C2orf76: variants seen among roughly 807,000 people sequenced by gnomAD.
The protein encoded by C2orf76 is UPF0538 protein C2orf76.
A neutral mutation model predicts 16.9 loss-of-function variants in C2orf76; 23 were observed. The observed-to-expected ratio is 1.36, with a 90% CI of 0.98 to 1.93. The LOEUF (loss-of-function observed/expected upper bound fraction) is 1.93, where lower values mean the gene tolerates loss of function less well. Ranked by LOEUF, C2orf76 falls within the 30% of genes most tolerant of loss-of-function variation. The pLI is 0.00. For synonymous variants in C2orf76, 48 were observed against 52.3 expected (o/e 0.92, Z 0.35); for missense variants, 152 against 152.6 (o/e 1.00, Z 0.02).
At chr2:119,364,515 G>C (rs1680863067) in intron 1 of C2orf76, among the ~76,000 whole-genome samples, 1 of 152,148 alleles carries the variant, frequency 6.6e-6, no homozygotes, top group Non-Finnish European at 1.5e-5. Context: ...AATCTTCATA[G>C]AGAGAAAAAC....
At chr2:119,359,214 A>C (rs1283701725) in intron 1 of C2orf76, among the ~76,000 whole-genome samples, 2 of 152,196 alleles carry the variant, frequency 1.3e-5, no homozygotes, top group East Asian at 3.8e-4. Context: ...TTTTAAGCCC[A>C]CTGTTGAGAC....
intron 5 of C2orf76, among the ~76,000 whole-genome samples, chr2:119,307,450 A>T (rs1678827866): frequency 6.6e-6 from 1 of 152,052 alleles, no homozygotes; most frequent in Admixed American, 6.5e-5. Flanking sequence ...AAAAAAAAAA[A>T]AAAAATCACA....
chr2:119,299,231 C>T (rs1427020643), downstream of C2orf76, among the ~76,000 whole-genome samples: 1 of 152,158 alleles, frequency 6.6e-6, no homozygotes, highest in African/African-American at 2.4e-5. Context: ...GCCTCTTATT[C>T]ATATCTAATA....
chr2:119,366,113 T>C (rs72831291), intron 1 of C2orf76, among the ~76,000 whole-genome samples: 2,858 of 152,194 alleles, frequency 0.019, 38 homozygotes, highest in South Asian at 0.054. Flanking sequence ...TCCAACTCTC[T>C]AAGCCCCTAA....
intron 1 of C2orf76, among the ~76,000 whole-genome samples, chr2:119,354,248 G>A (rs956481090): frequency 1.3e-5 from 2 of 152,146 alleles, no homozygotes; most frequent in African/African-American, 4.8e-5. Context: ...GGTAGCTCAC[G>A]CTTGTAATCC....
At chr2:119,366,881 G>A, upstream of C2orf76, 3 of 844,526 alleles carry the variant, frequency 3.6e-6, no homozygotes, top group East Asian at 2.8e-5. Flanking sequence ...CGGGGGCTGG[G>A]CACGCCCCTA....
At chr2:119,307,455 A>G (rs1211695458) in intron 5 of C2orf76, among the ~76,000 whole-genome samples, 2 of 143,990 alleles carry the variant, frequency 1.4e-5, no homozygotes, top group Non-Finnish European at 3.0e-5. Context: ...AAAAAAAAAA[A>G]TCACATTTCA....
At chr2:119,323,305 C>T (rs1447650310) in intron 2 of C2orf76, among the ~76,000 whole-genome samples, 1 of 151,994 alleles carries the variant, frequency 6.6e-6, no homozygotes, top group East Asian at 1.9e-4. Flanking sequence ...AGGCATGAGC[C>T]ACTACACCTG....
intron 5 of C2orf76, among the ~76,000 whole-genome samples, chr2:119,307,438 TAAA>T (rs10597338): frequency 4.2e-4 from 60 of 143,940 alleles, no homozygotes; most frequent in African/African-American, 4.8e-4. Flanking sequence ...GACTCTGTCT[TAAA>T]AAAAAAAAAA....
Position 119,311,609 on chromosome 2 carries a change from C to T in C2orf76, c.304+13G>A, listed in dbSNP as rs1426284798. Reference sequence around the variant, plus strand: ...GAGGTCCCCCTCCAGCAACACAAGGCCCCCTTCCTCACCGATTCCAGCTGC... The same window carrying T: ...GAGGTCCCCCTCCAGCAACACAAGGTCCCCTTCCTCACCGATTCCAGCTGC... On this transcript the variant is annotated intron_variant, in intron 5 of 5. Coordinates refer to ENST00000334816, the MANE Select transcript of C2orf76 (RefSeq NM_001322331.2). 1.2e-6 allele frequency: 2 copies of T among 1,611,916 alleles called. No homozygotes were observed. Among genetic ancestry groups the T allele is most frequent in the East Asian group, 4.5e-5 (2 of 44,830 alleles).
At chr2:119,318,221 A>G (rs6761125) in intron 3 of C2orf76, among the ~76,000 whole-genome samples, 104,646 of 152,100 alleles carry the variant, frequency 0.69, 36,482 homozygotes, top group African/African-American at 0.8. Flanking sequence ...CATAATCTAC[A>G]CAGCCATTCA....
chr2:119,361,406 T>C (rs1680740643), intron 1 of C2orf76, among the ~76,000 whole-genome samples: 1 of 152,242 alleles, frequency 6.6e-6, no homozygotes, highest in Non-Finnish European at 1.5e-5. Flanking sequence ...CAGCCCTCCA[T>C]ATCTGTGGGT....
At chr2:119,285,010 G>A in the C2orf76 span, among the ~76,000 whole-genome samples, 1 of 152,024 alleles carries the variant, frequency 6.6e-6, no homozygotes, top group Non-Finnish European at 1.5e-5. Flanking sequence ...GGATTGTGGC[G>A]GAGATCAGAG....
At chr2:119,284,275 G>A in the C2orf76 span, among the ~76,000 whole-genome samples, 188 of 152,272 alleles carry the variant, frequency 1.2e-3, 2 homozygotes, top group African/African-American at 4.4e-3. Context: ...CCGCAGACAG[G>A]CTCCTGGCTA....
chr2:119,313,083 C>T (rs1679049283), intron 4 of C2orf76, among the ~76,000 whole-genome samples: 1 of 151,260 alleles, frequency 6.6e-6, no homozygotes, highest in Admixed American at 6.6e-5. Flanking sequence ...GAGATAACCA[C>T]TAGTGGCACA....
the C2orf76 span, among the ~76,000 whole-genome samples, chr2:119,293,373 A>G: frequency 6.6e-6 from 1 of 152,258 alleles, no homozygotes; most frequent in Non-Finnish European, 1.5e-5. Flanking sequence ...GAGCAAGTGC[A>G]AAGGCCCTGG....
chr2:119,351,236 G>A (rs1425008683), intron 1 of C2orf76, among the ~76,000 whole-genome samples: 1 of 152,116 alleles, frequency 6.6e-6, no homozygotes, highest in Non-Finnish European at 1.5e-5. Context: ...ACCACTCACA[G>A]CCTGCCTGAA....
chr2:119,311,743 A>G (rs1339268475), intron 4 of C2orf76, 40 bp from the exon 5 acceptor site: 2 of 1,559,878 alleles, frequency 1.3e-6, no homozygotes, highest in East Asian at 2.3e-5. Flanking sequence ...ATCAGTACTT[A>G]CATGGGTTTG....
Position 119,321,152 on chromosome 2 carries a change from A to G in C2orf76, c.184+2T>C. On this transcript the variant is annotated splice_donor_variant, in intron 3 of 5. Transcript: ENST00000334816. LOFTEE classifies it high-confidence loss of function. ...ATTTTAAAAGAATAAAAAAATGGTT[A>G]CCATATTTATAATTTCTGAATGGTG... is the stretch of plus-strand genomic sequence containing the variant. 1 of 1,385,342 alleles carries G rather than the reference A, an allele frequency of 7.2e-7. No homozygotes were observed. The allele number at this position is 1,385,342 out of a possible 1,614,324, so 85.8% of individuals were successfully genotyped here. A position where few individuals can be genotyped will look rare whatever the true frequency, so the allele number is the denominator to read the frequency against.
Sources: allele counts gnomAD v4.1 joint callset (sites outside exome capture counted in the v4.1 genomes callset), GRCh38; gene constraint gnomAD v4.1.1; transcripts MANE v1.5; gene names NCBI Gene and HGNC (gene_info 2026-07-23, HGNC 2026-07-21).